NHS: variants seen among roughly 807,000 people sequenced by gnomAD.
The protein encoded by NHS is actin remodeling regulator NHS.
Under a neutral mutation model 72.5 loss-of-function variants are expected in NHS, and 5 were observed. The observed-to-expected ratio is 0.07, with a 90% CI of 0.04 to 0.14. The LOEUF is 0.14. NHS is among the 10% of genes least tolerant of loss of function. The pLI is 1.00. For missense variants in NHS, 1,072 were observed against 1,355.7 expected, an observed-to-expected ratio of 0.79 and a Z score of 3.29; for synonymous variants, 464 against 547.7, an observed-to-expected ratio of 0.85 and a Z score of 2.13.
chrX:17,517,073 C>A (rs2065125944), intron 1 of NHS, among the ~76,000 whole-genome samples: 1 of 112,343 alleles, frequency 8.9e-6, no homozygotes, highest in African/African-American at 3.2e-5. Flanking sequence ...CTCAGACCAA[C>A]AGGAACATTA....
intron 1 of NHS, among the ~76,000 whole-genome samples, chrX:17,654,617 T>C (rs1175054781): frequency 6.2e-5 from 7 of 112,505 alleles, no homozygotes. Flanking sequence ...ACAGGCCTGG[T>C]GGATATAGTA....
In NHS at chrX:17,636,047, C is replaced by T. The variant is rs1022241341; in HGVS notation, c.566-51695C>T. On this transcript the variant is annotated intron_variant, in intron 1 of 8. Coordinates refer to ENST00000676302, the MANE Select transcript of NHS (RefSeq NM_001291867.2). Reference sequence around the variant, plus strand: ...CAGGACTTCTGGGAAGGGGCCCCATCCTGCATGGGCTTGCACCAGGCCCTA... The same window carrying T: ...CAGGACTTCTGGGAAGGGGCCCCATTCTGCATGGGCTTGCACCAGGCCCTA... 3.6e-5 allele frequency among the ~76,000 whole-genome samples: 4 copies of T among 112,328 alleles called. No individual in the cohort carries two copies. In the Admixed American group the frequency reaches 3.7e-4, roughly 11 times the overall value.
chrX:17,376,830 C>T (rs2064349520), intron 1 of NHS, among the ~76,000 whole-genome samples: 1 of 112,983 alleles, frequency 8.9e-6, no homozygotes, highest in African/African-American at 3.2e-5. Context: ...GCTGTTTCGT[C>T]ACTCGCTGTG....
intron 1 of NHS, among the ~76,000 whole-genome samples, chrX:17,536,511 T>C (rs1228405378): frequency 9.0e-6 from 1 of 111,536 alleles, no homozygotes; most frequent in African/African-American, 3.3e-5. Flanking sequence ...ATGTGTAGAG[T>C]ATAGAGGGAA....
At chrX:17,405,741 C>T (rs2064526224) in intron 1 of NHS, among the ~76,000 whole-genome samples, 1 of 112,623 alleles carries the variant, frequency 8.9e-6, no homozygotes, top group South Asian at 3.6e-4. Context: ...TTTTTCCACA[C>T]GTGCCTCGTA....
At chrX:17,514,196 G>A (rs913451774) in intron 1 of NHS, among the ~76,000 whole-genome samples, 2 of 112,391 alleles carry the variant, frequency 1.8e-5, no homozygotes, top group African/African-American at 3.2e-5. Flanking sequence ...TGGGGACAAA[G>A]CCAAACCAAA....
intron 1 of NHS, among the ~76,000 whole-genome samples, chrX:17,657,308 C>G (rs1310129670): frequency 8.8e-6 from 1 of 113,285 alleles, no homozygotes; most frequent in African/African-American, 3.2e-5. Flanking sequence ...GTGGTATGCT[C>G]TGGAGTTTTG....
intron 1 of NHS, among the ~76,000 whole-genome samples, chrX:17,537,368 C>G (rs763710911): frequency 3.6e-5 from 4 of 112,508 alleles, no homozygotes; most frequent in African/African-American, 1.3e-4. Flanking sequence ...TAGAAGAAGA[C>G]AGAATCTCTT....
intron 1 of NHS, among the ~76,000 whole-genome samples, chrX:17,550,396 T>C (rs1048675943): frequency 1.7e-4 from 19 of 112,311 alleles, no homozygotes; most frequent in Non-Finnish European, 2.4e-4. Flanking sequence ...AGTGGCACTA[T>C]GGTGTTGCAG....
At chrX:17,404,803 GTCTCTCTCTCTC>G (rs368840034) in intron 1 of NHS, among the ~76,000 whole-genome samples, 3 of 96,571 alleles carry the variant, frequency 3.1e-5, no homozygotes, top group East Asian at 3.2e-4. Context: ...GTAACACTCT[GTCTCTCTCTCTC>G]TCTCTCTCTC....
At chrX:17,671,219 G>T (rs570258492) in intron 1 of NHS, among the ~76,000 whole-genome samples, 2 of 112,422 alleles carry the variant, frequency 1.8e-5, no homozygotes, top group African/African-American at 6.5e-5. Context: ...TACTCCACCT[G>T]CAGATTCCAA....
chrX:17,583,705 C>T (rs952890639), intron 1 of NHS, among the ~76,000 whole-genome samples: 1 of 111,983 alleles, frequency 8.9e-6, no homozygotes, highest in East Asian at 2.8e-4. Context: ...CACCCTGCCC[C>T]ACTTCACGTT....
chrX:17,491,657 C>CT (rs2064991908), intron 1 of NHS, among the ~76,000 whole-genome samples: 2 of 109,681 alleles, frequency 1.8e-5, no homozygotes, highest in East Asian at 5.7e-4. Flanking sequence ...GAAGGAGTCT[C>CT]TATTTTTCTA....
intron 1 of NHS, among the ~76,000 whole-genome samples, chrX:17,407,011 G>A (rs1569247269): frequency 9.0e-6 from 1 of 111,475 alleles, no homozygotes; most frequent in Non-Finnish European, 1.9e-5. Flanking sequence ...GAAGGACTGG[G>A]CCATGTCAAT....
At chrX:17,418,454 CT>C (rs1478581682) in intron 1 of NHS, among the ~76,000 whole-genome samples, 1 of 111,719 alleles carries the variant, frequency 9.0e-6, no homozygotes, top group East Asian at 2.8e-4. Flanking sequence ...TCAGCTGGGC[CT>C]ACCTGGAGAA....
At chrX:17,501,459 G>A (rs1227717059) in intron 1 of NHS, among the ~76,000 whole-genome samples, 2 of 111,276 alleles carry the variant, frequency 1.8e-5, no homozygotes, top group Non-Finnish European at 3.8e-5. Context: ...GGTGGGGCCC[G>A]CACAGTGGCT....
chrX:17,412,728 G>A (rs955473344), intron 1 of NHS, among the ~76,000 whole-genome samples: 3 of 112,790 alleles, frequency 2.7e-5, no homozygotes, highest in African/African-American at 9.6e-5. Flanking sequence ...AAAAAGTCTA[G>A]TGCTTGTTGA....
intron 1 of NHS, among the ~76,000 whole-genome samples, chrX:17,629,582 G>A (rs762414972): frequency 6.3e-5 from 7 of 111,650 alleles, no homozygotes; most frequent in Non-Finnish European, 5.7e-5. Context: ...TGGTGAGGAC[G>A]GCTTCAATGG....
intron 1 of NHS, among the ~76,000 whole-genome samples, chrX:17,430,066 G>A (rs2064680709): frequency 9.1e-6 from 1 of 109,887 alleles, no homozygotes; most frequent in African/African-American, 3.4e-5. Flanking sequence ...TTCAGATTAT[G>A]CACATATTTT....
Sources: gnomAD v4.1 joint callset for allele counts (sites outside exome capture counted in the v4.1 genomes callset) on GRCh38, gnomAD v4.1.1 for gene constraint, MANE v1.5 for transcripts, NCBI Gene and HGNC (gene_info 2026-07-23, HGNC 2026-07-21) for gene names.